Variants in POLK observed in about 807,000 individuals in gnomAD.
POLK encodes polymerase (DNA directed) kappa.
Under a neutral mutation model 94.0 loss-of-function variants are expected in POLK, and 76 were observed. That is an observed-to-expected ratio of 0.81 (90% CI 0.67 to 0.98). The LOEUF is 0.98. Ranked by LOEUF, POLK falls within the 50% of genes least tolerant of loss-of-function variation. The pLI is 0.00. For missense variants in POLK, 954 were observed against 1,010.1 expected (o/e 0.94, Z 0.75); for synonymous variants, 349 against 325.4 (o/e 1.07, Z -0.78).
intron 11 of POLK, among the ~76,000 whole-genome samples, chr5:75,592,751 A>T (rs1016500159): frequency 6.6e-6 from 1 of 151,650 alleles, no homozygotes; most frequent in Non-Finnish European, 1.5e-5. Flanking sequence ...AATAAAAATT[A>T]CTGGCTAAAA....
rs375255443 is a variant in POLK at position 75,545,044 on chromosome 5, T to G, written c.-13-1966T>G. ...TGGCTTCTACTCCCAGACCTTCTGA[T>G]TTATTTGGTATGGGAGGAGCTTTGG... On this transcript the variant is annotated intron_variant, in intron 1 of 14. Transcript: ENST00000241436. Among the ~76,000 whole-genome samples, 37 of 152,310 alleles carry G rather than the reference T, an allele frequency of 2.4e-4. 1 individual carries two copies. In the South Asian group the frequency reaches 7.7e-3, roughly 32 times the overall value.
intron 6 of POLK, 86 bp downstream of exon 6, chr5:75,577,019 A>T: frequency 1.3e-6 from 1 of 771,606 alleles, no homozygotes; most frequent in Non-Finnish European, 2.0e-6. Context: ...TTAATTTATT[A>T]GCCTGCATAG....
At chr5:75,572,838 G>T (rs147993934) in intron 4 of POLK, among the ~76,000 whole-genome samples, 1 of 152,104 alleles carries the variant, frequency 6.6e-6, no homozygotes, top group Non-Finnish European at 1.5e-5. Context: ...AGTTAGAATG[G>T]CGATCATTAA....
chr5:75,590,555 G>A lies in POLK; in HGVS notation c.1356+115G>A, dbSNP rs1054893697. 5.0e-5 allele frequency: 34 copies of A among 673,320 alleles called. 1 individual carries two copies. The African/African-American group carries it at 5.4e-4, about 11-fold the overall frequency. 41.7% of individuals were successfully genotyped at this position (673,320 alleles called of 1,614,324 possible). ...TAAAGATGAATACAAATTAATAAAC[G>A]TCAGAATAGTGTATTCCTATCCCCA... On this transcript the variant is annotated intron_variant, in intron 11 of 14. Coordinates refer to ENST00000241436, the Ensembl canonical transcript of POLK.
chr5:75,565,331 C>T (rs114060929), intron 3 of POLK, among the ~76,000 whole-genome samples: 1,785 of 152,200 alleles, frequency 0.012, 9 homozygotes, highest in Non-Finnish European at 0.019. Context: ...AGAATATGCT[C>T]CTTTAGCTCG....
chr5:75,538,000 G>A (rs1404280596), intron 1 of POLK, among the ~76,000 whole-genome samples: 1 of 151,974 alleles, frequency 6.6e-6, no homozygotes. Flanking sequence ...GGGACTACAG[G>A]CACCTGCCAC....
chr5:75,569,680 C>T (rs554341984), intron 4 of POLK, among the ~76,000 whole-genome samples, 188 bp downstream of exon 4: 1 of 152,292 alleles, frequency 6.6e-6, no homozygotes, highest in Non-Finnish European at 1.5e-5. Flanking sequence ...ACCCCCAGTT[C>T]ACAGATTGGT....
chr5:75,554,023 T>A (rs1054238429), intron 3 of POLK, among the ~76,000 whole-genome samples: 1 of 152,162 alleles, frequency 6.6e-6, no homozygotes, highest in African/African-American at 2.4e-5. Context: ...CCATCCATAT[T>A]CCATCTCCTG....
chr5:75,542,866 C>A (rs946701995), intron 1 of POLK, among the ~76,000 whole-genome samples: 2 of 150,544 alleles, frequency 1.3e-5, no homozygotes, highest in East Asian at 3.9e-4. Context: ...GCATCTGCCA[C>A]CGCGCCCAGC....
At chr5:75,511,501 G>A (rs760593989), upstream of POLK, 10 of 1,486,450 alleles carry the variant, frequency 6.7e-6, no homozygotes, top group South Asian at 9.2e-5. Flanking sequence ...CCCGAACTTA[G>A]CCCCCTCGAT....
chr5:75,540,905 G>A lies in POLK; in HGVS notation c.-13-6105G>A, dbSNP rs148204116. Among the ~76,000 whole-genome samples, 145 of 152,236 alleles carry A rather than the reference G, an allele frequency of 9.5e-4. 1 individual carries two copies. Among genetic ancestry groups the A allele is most frequent in the African/African-American group, 3.3e-3 (137 of 41,544 alleles). ...CTTAGATTTTCACACTTTTGAGTAT[G>A]TTTATTTCTGAGTTAAAGTTTTCAT... On this transcript the variant is annotated intron_variant, in intron 1 of 14. Transcript: ENST00000241436.
intron 1 of POLK, among the ~76,000 whole-genome samples, chr5:75,545,576 GATAAACT>G (rs1419227645): frequency 6.6e-6 from 1 of 152,072 alleles, no homozygotes. Context: ...TGTATGTGAA[GATAAACT>G]ATAAAGTATA....
chr5:75,552,358 GTT>G, intron 2 of POLK, 112 bp from the exon 3 acceptor site: 1 of 951,724 alleles, frequency 1.1e-6, no homozygotes, highest in Non-Finnish European at 1.5e-6. Flanking sequence ...GTAGAGCTAA[GTT>G]TTAAATTTAA....
intron 1 of POLK, among the ~76,000 whole-genome samples, chr5:75,544,636 T>C (rs5744575): frequency 0.28 from 41,363 of 150,260 alleles, 6,109 homozygotes; most frequent in South Asian, 0.44. Flanking sequence ...AGTGAGACTT[T>C]GTCTCTGAAT....
chr5:75,549,223 T>C (rs1770210472), intron 2 of POLK, among the ~76,000 whole-genome samples: 1 of 152,146 alleles, frequency 6.6e-6, no homozygotes, highest in South Asian at 2.1e-4. Flanking sequence ...GGTTAAGAAA[T>C]AGAATATGTA....
At chr5:75,599,373 A>G (rs1174543295) in exon 15 of POLK, 2 of 152,102 alleles carry the variant, frequency 1.3e-5, no homozygotes, top group African/African-American at 2.4e-5. Flanking sequence ...ATTTTAGCTT[A>G]TGATCTAAAT....
chr5:75,541,655 AT>A (rs1769746829), intron 1 of POLK, among the ~76,000 whole-genome samples: 1 of 152,276 alleles, frequency 6.6e-6, no homozygotes, highest in East Asian at 1.9e-4. Flanking sequence ...GAATTTCATT[AT>A]TTCTGTTCTT....
chr5:75,602,987 G>T (rs1773330317), downstream of POLK, among the ~76,000 whole-genome samples: 1 of 152,182 alleles, frequency 6.6e-6, no homozygotes, highest in African/African-American at 2.4e-5. Context: ...AGAAGTTTCA[G>T]CATCAACATG....
intron 3 of POLK, among the ~76,000 whole-genome samples, chr5:75,562,783 A>T (rs1294926943): frequency 1.3e-5 from 2 of 152,144 alleles, no homozygotes; most frequent in Non-Finnish European, 2.9e-5. Context: ...AGTTTTTGTC[A>T]TTGGTTCTGT....
Sources: allele counts gnomAD v4.1 joint callset (sites outside exome capture counted in the v4.1 genomes callset), GRCh38; gene constraint gnomAD v4.1.1; transcripts MANE v1.5; gene names NCBI Gene and HGNC (gene_info 2026-07-23, HGNC 2026-07-21).